UTP6: variants seen among roughly 807,000 people sequenced by gnomAD.
UTP6 encodes the protein U3 small nucleolar RNA-associated protein 6 homolog.
UTP6 carries 60 observed loss-of-function variants against 96.5 expected under a neutral mutation model. That is an observed-to-expected ratio of 0.62 (90% CI 0.51 to 0.77). The LOEUF is 0.77. Ranked by LOEUF, UTP6 falls within the 30% of genes least tolerant of loss-of-function variation. The probability of loss-of-function intolerance (pLI) is 0.00; values close to 1 mark genes in which losing one functional copy is unlikely to be tolerated. For synonymous variants in UTP6, 215 were observed against 240.1 expected (o/e 0.90, Z 0.96); for missense variants, 637 against 706.5 (o/e 0.90, Z 1.12).
rs1288253453 is a variant in UTP6 at position 31,879,249 on chromosome 17, G to A, written c.968-468C>T. Among the ~76,000 whole-genome samples, 3 of 151,684 alleles carry A rather than the reference G, an allele frequency of 2.0e-5. No individual in the cohort carries two copies. The East Asian group carries it at 5.8e-4, about 29-fold the overall frequency. On this transcript the variant is annotated intron_variant, in intron 11 of 18. Transcript: ENST00000261708. ...TACTAAAAATACAAAAATCCATGGG[G>A]CATGGTGGCATGCACCTGTAATCCC... is the stretch of plus-strand genomic sequence containing the variant.
chr17:31,894,679 T>C lies in UTP6; in HGVS notation c.278A>G (p.Gln93Arg), dbSNP rs1904530302. 6.2e-7 allele frequency: 1 copy of C among 1,611,496 alleles called. No individual in the cohort carries two copies. Among genetic ancestry groups the C allele is most frequent in the Non-Finnish European group, 8.5e-7 (1 of 1,178,676 alleles). Residue 93 changes from glutamine (Q) to arginine (R), a missense_variant, in exon 4 of 19, where the codon CAA becomes CGA. Coordinates refer to ENST00000261708, the MANE Select transcript of UTP6 (RefSeq NM_018428.3). ...TGCTGAGGCACGCTGGAAAACACCTTGTACCCGGTGTACAATAGAATTCTC... is the reference window on the plus strand; with the variant it reads ...TGCTGAGGCACGCTGGAAAACACCTCGTACCCGGTGTACAATAGAATTCTC... ...EIENSIVHRVQGVFQRASAKW... is the reference protein window; with the variant it reads ...EIENSIVHRVRGVFQRASAKW...
At chr17:31,879,545 G>A (rs533974669) in intron 11 of UTP6, among the ~76,000 whole-genome samples, 9 of 151,620 alleles carry the variant, frequency 5.9e-5, no homozygotes, top group Middle Eastern at 3.4e-3. Flanking sequence ...GGAGGCATGC[G>A]CCTGTAGACC....
chr17:31,874,931 TAAA>T (rs11341659), intron 14 of UTP6, among the ~76,000 whole-genome samples: 32 of 133,932 alleles, frequency 2.4e-4, no homozygotes, highest in Non-Finnish European at 2.4e-4. Context: ...GACTCCATCT[TAAA>T]AAAAAAAAAA....
At chr17:31,882,573 G>A (rs1598107373) in intron 10 of UTP6, among the ~76,000 whole-genome samples, 3 of 152,080 alleles carry the variant, frequency 2.0e-5, no homozygotes, top group South Asian at 4.2e-4. Flanking sequence ...CGCCCACCTC[G>A]GCCTCCCGAA....
chr17:31,884,252 T>A (rs1190629155), intron 10 of UTP6, among the ~76,000 whole-genome samples, 172 bp downstream of exon 10: 1 of 151,944 alleles, frequency 6.6e-6, no homozygotes, highest in Non-Finnish European at 1.5e-5. Context: ...CCCACCTCAG[T>A]CTCCCAAAGT....
intron 7 of UTP6, 114 bp from the exon 8 acceptor site, chr17:31,887,427 G>A (rs964945105): frequency 7.8e-6 from 6 of 774,194 alleles, no homozygotes; most frequent in Admixed American, 2.3e-5. Flanking sequence ...AGCTCATTTC[G>A]GCCATGAATT....
intron 6 of UTP6, 197 bp downstream of exon 6, chr17:31,892,063 A>C (rs1904351420): frequency 1.7e-6 from 1 of 575,386 alleles, no homozygotes; most frequent in Non-Finnish European, 3.1e-6. Context: ...TGCAGATACA[A>C]CACCTAGGAC....
At chr17:31,897,441 G>A (rs1027502679) in intron 2 of UTP6, among the ~76,000 whole-genome samples, 10 of 131,880 alleles carry the variant, frequency 7.6e-5, no homozygotes, top group African/African-American at 2.5e-4. Context: ...AAAACTTCTA[G>A]TCTTTTTTTT....
At chr17:31,876,568 C>G (rs1598102013) in intron 13 of UTP6, among the ~76,000 whole-genome samples, 1 of 150,908 alleles carries the variant, frequency 6.6e-6, no homozygotes, top group East Asian at 2.0e-4. Context: ...TGCTTGAACC[C>G]AGGAGGCGGA....
intron 16 of UTP6, among the ~76,000 whole-genome samples, chr17:31,871,892 A>C (rs189234356): frequency 6.6e-6 from 1 of 151,856 alleles, no homozygotes; most frequent in East Asian, 1.9e-4. Flanking sequence ...ACTCTGTCTC[A>C]AAGAAAAAAA....
chr17:31,885,350 G>A (rs1170952176), intron 9 of UTP6, among the ~76,000 whole-genome samples: 1 of 151,328 alleles, frequency 6.6e-6, no homozygotes, highest in Non-Finnish European at 1.5e-5. Flanking sequence ...TCACCATGTG[G>A]GCCAGGCTGG....
chr17:31,868,931 T>C (rs772806899), intron 16 of UTP6, among the ~76,000 whole-genome samples: 1 of 151,994 alleles, frequency 6.6e-6, no homozygotes, highest in South Asian at 2.1e-4. Context: ...ACCAACGTGG[T>C]GAAACCCTGC....
intron 2 of UTP6, among the ~76,000 whole-genome samples, chr17:31,896,411 T>C (rs540954036): frequency 6.6e-6 from 1 of 152,280 alleles, no homozygotes; most frequent in South Asian, 2.1e-4. Context: ...TTTAACTAAT[T>C]ACTGATAAGG....
chr17:31,868,938 C>T (rs899888638), intron 16 of UTP6, among the ~76,000 whole-genome samples: 2 of 152,092 alleles, frequency 1.3e-5, no homozygotes, highest in Admixed American at 6.6e-5. Context: ...TGGTGAAACC[C>T]TGCCTCTACT....
chr17:31,894,025 T>C (rs907627657), intron 4 of UTP6, among the ~76,000 whole-genome samples: 6 of 151,890 alleles, frequency 4.0e-5, no homozygotes. Context: ...TCCCAGCACT[T>C]TGGGAGGCTG....
intron 16 of UTP6, among the ~76,000 whole-genome samples, chr17:31,871,147 G>A (rs1274659271): frequency 5.3e-5 from 8 of 151,618 alleles, no homozygotes; most frequent in South Asian, 2.1e-4. Context: ...CTGCCACCAC[G>A]CCCGGCTAAT....
intron 16 of UTP6, among the ~76,000 whole-genome samples, chr17:31,870,824 TTTTTG>T (rs1246454072): frequency 1.3e-5 from 2 of 151,290 alleles, no homozygotes; most frequent in African/African-American, 4.9e-5. Context: ...CACCTGGATG[TTTTTG>T]TTTTGAGACA....
chr17:31,899,591 T>C (rs1904847244), intron 2 of UTP6, 55 bp downstream of exon 2: 3 of 1,380,900 alleles, frequency 2.2e-6, no homozygotes, highest in Non-Finnish European at 2.9e-6. Flanking sequence ...TGAGATGCCA[T>C]CTCACCAAAA....
intron 11 of UTP6, among the ~76,000 whole-genome samples, chr17:31,879,191 A>G (rs1910678308): frequency 6.6e-6 from 1 of 152,066 alleles, no homozygotes; most frequent in African/African-American, 2.4e-5. Context: ...GGAGTTCAAG[A>G]CCAGCCTGGC....
Sources: gnomAD v4.1 joint callset for allele counts (sites outside exome capture counted in the v4.1 genomes callset) on GRCh38, gnomAD v4.1.1 for gene constraint, MANE v1.5 for transcripts, NCBI Gene and HGNC (gene_info 2026-07-23, HGNC 2026-07-21) for gene names.